The following PHACTR1 variants were observed in gnomAD, a reference collection of about 807,000 sequenced individuals.
PHACTR1 encodes RPEL repeat containing 1.
PHACTR1 carries 16 observed loss-of-function variants against 69.2 expected under a neutral mutation model. That is an observed-to-expected ratio of 0.23 (90% confidence interval 0.16 to 0.35). The LOEUF (loss-of-function observed/expected upper bound fraction) is 0.35, where lower values mean the gene tolerates loss of function less well. Among genes scored for constraint, PHACTR1 ranks in the 10% least tolerant of loss-of-function variants. The pLI, the probability that PHACTR1 is intolerant of heterozygous loss-of-function variation, is 1.00. For synonymous variants in PHACTR1, 312 were observed against 284.5 expected (o/e 1.10, Z -0.97); for missense variants, 510 against 734.7 (o/e 0.69, Z 3.54).
chr6:12,721,756 T>C (rs1762161409), intron 3 of PHACTR1, among the ~76,000 whole-genome samples: 1 of 152,196 alleles, frequency 6.6e-6, no homozygotes. Context: ...CCACTGTAGC[T>C]TCCCTCCCCT....
At chr6:13,084,068 T>G (rs1320964877) in intron 5 of PHACTR1, among the ~76,000 whole-genome samples, 1 of 152,068 alleles carries the variant, frequency 6.6e-6, no homozygotes. Flanking sequence ...TAAAGACACA[T>G]GCACGTGTAT....
chr6:12,753,815 G>C (rs182775845), intron 4 of PHACTR1, among the ~76,000 whole-genome samples: 1 of 151,936 alleles, frequency 6.6e-6, no homozygotes, highest in Admixed American at 6.6e-5. Context: ...TTATAAACTA[G>C]GTCCCAGGGT....
intron 4 of PHACTR1, among the ~76,000 whole-genome samples, chr6:12,909,297 C>T (rs1285765174): frequency 6.6e-6 from 1 of 152,166 alleles, no homozygotes; most frequent in African/African-American, 2.4e-5. Flanking sequence ...CCTTGTGGTG[C>T]AGTGATCTTG....
At chr6:13,107,085 C>CT (rs397886091) in intron 5 of PHACTR1, among the ~76,000 whole-genome samples, 1 of 142,094 alleles carries the variant, frequency 7.0e-6, no homozygotes. Context: ...GAGATGTTTC[C>CT]TTCTCTCTCT....
At chr6:13,276,796 T>TA (rs1173307354) in intron 11 of PHACTR1, among the ~76,000 whole-genome samples, 1 of 151,640 alleles carries the variant, frequency 6.6e-6, no homozygotes, top group Non-Finnish European at 1.5e-5. Context: ...TTAAAAAAAT[T>TA]TAAAAAATAA....
chr6:12,875,865 G>T (rs146237905), intron 4 of PHACTR1, among the ~76,000 whole-genome samples: 1 of 152,064 alleles, frequency 6.6e-6, no homozygotes, highest in Admixed American at 6.6e-5. Context: ...AATCTCCACC[G>T]TGCTCTTTAC....
chr6:12,798,759 T>C (rs950496421), intron 4 of PHACTR1, among the ~76,000 whole-genome samples: 1 of 152,240 alleles, frequency 6.6e-6, no homozygotes, highest in African/African-American at 2.4e-5. Flanking sequence ...TAGCTTTCAA[T>C]TGGCTTTTAA....
chr6:12,785,604 G>C (rs147529180), intron 4 of PHACTR1, among the ~76,000 whole-genome samples: 1 of 152,236 alleles, frequency 6.6e-6, no homozygotes, highest in East Asian at 1.9e-4. Context: ...GCAATGTGTT[G>C]GGTCAAGGCT....
At chr6:13,015,905 A>G (rs1800110828) in intron 4 of PHACTR1, among the ~76,000 whole-genome samples, 1 of 152,220 alleles carries the variant, frequency 6.6e-6, no homozygotes, top group Non-Finnish European at 1.5e-5. Flanking sequence ...GGGGAGACCG[A>G]ATGTTATAGT....
chr6:13,227,687 G>A, intron 8 of PHACTR1, 129 bp from the exon 9 acceptor site: 2 of 1,234,310 alleles, frequency 1.6e-6, no homozygotes, highest in Non-Finnish European at 2.3e-6. Flanking sequence ...GATGAGCAAT[G>A]GAACTTTACT....
intron 3 of PHACTR1, among the ~76,000 whole-genome samples, chr6:12,733,593 C>T (rs151085228): frequency 2.0e-5 from 3 of 152,142 alleles, no homozygotes; most frequent in East Asian, 1.9e-4. Flanking sequence ...GAGCCAGAAC[C>T]CAGTTTCTCA....
At chr6:12,989,564 C>T (rs780005571) in intron 4 of PHACTR1, among the ~76,000 whole-genome samples, 1 of 152,186 alleles carries the variant, frequency 6.6e-6, no homozygotes, top group Non-Finnish European at 1.5e-5. Flanking sequence ...GTGACTTTCT[C>T]TTAATGTTTT....
intron 4 of PHACTR1, among the ~76,000 whole-genome samples, chr6:12,929,624 C>A (rs906328219): frequency 6.6e-6 from 1 of 152,196 alleles, no homozygotes; most frequent in Non-Finnish European, 1.5e-5. Flanking sequence ...ACAAATGACT[C>A]ATTGTTCCTC....
intron 4 of PHACTR1, among the ~76,000 whole-genome samples, chr6:12,912,151 C>T (rs1378135920): frequency 1.3e-5 from 2 of 152,170 alleles, no homozygotes; most frequent in Non-Finnish European, 2.9e-5. Context: ...GCATGCACCA[C>T]CATGCCTGGC....
chr6:12,989,078 G>T (rs1036063712), intron 4 of PHACTR1, among the ~76,000 whole-genome samples: 3 of 152,164 alleles, frequency 2.0e-5, no homozygotes, highest in Non-Finnish European at 4.4e-5. Flanking sequence ...ATTTACCCTG[G>T]CATCATAATG....
intron 8 of PHACTR1, among the ~76,000 whole-genome samples, chr6:13,227,331 A>G (rs1769937890): frequency 6.6e-6 from 1 of 152,158 alleles, no homozygotes; most frequent in Admixed American, 6.5e-5. Context: ...GCTTTAGAAA[A>G]CTAGAACCTC....
chr6:12,869,739 T>C (rs1293188454), intron 4 of PHACTR1, among the ~76,000 whole-genome samples: 1 of 152,226 alleles, frequency 6.6e-6, no homozygotes, highest in Non-Finnish European at 1.5e-5. Context: ...GATCAGAATT[T>C]CTCTATCTTC....
intron 4 of PHACTR1, among the ~76,000 whole-genome samples, chr6:13,001,134 T>C (rs551409675): frequency 5.9e-5 from 9 of 152,332 alleles, no homozygotes; most frequent in Non-Finnish European, 1.2e-4. Flanking sequence ...GTAGAAAATG[T>C]CATGCAAGTA....
At chr6:12,805,607 C>CTTTTTTT (rs766185084) in intron 4 of PHACTR1, among the ~76,000 whole-genome samples, 1 of 149,828 alleles carries the variant, frequency 6.7e-6, no homozygotes, top group African/African-American at 2.5e-5. Context: ...TTCTTTCTTT[C>CTTTTTTT]TTTCTTTTTT....
Sources: allele counts gnomAD v4.1 joint callset (sites outside exome capture counted in the v4.1 genomes callset), GRCh38; gene constraint gnomAD v4.1.1; transcripts MANE v1.5; gene names NCBI Gene and HGNC (gene_info 2026-07-23, HGNC 2026-07-21).